Variants in GLDN observed in about 807,000 individuals in gnomAD.
GLDN encodes the protein gliomedin.
In GLDN, 47 loss-of-function variants were observed where a neutral mutation model predicts 56.5. The ratio of observed to expected loss-of-function variants is 0.83; its 90% CI spans 0.66 to 1.06. GLDN has a LOEUF of 1.06. Among genes scored for constraint, GLDN ranks in the 50% least tolerant of loss-of-function variants. The probability of loss-of-function intolerance (pLI) is 0.00; values close to 1 mark genes in which losing one functional copy is unlikely to be tolerated. For missense variants in GLDN, 782 were observed against 714.3 expected, an observed-to-expected ratio of 1.09 and a Z score of -1.08; for synonymous variants, 332 against 278.8, an observed-to-expected ratio of 1.19 and a Z score of -1.90.
At chr15:51,357,435 G>T (rs1210573294) in intron 1 of GLDN, among the ~76,000 whole-genome samples, 3 of 152,170 alleles carry the variant, frequency 2.0e-5, no homozygotes, top group Non-Finnish European at 4.4e-5. Flanking sequence ...TTGCTATTCT[G>T]TTCTATCTTC....
At chr15:51,410,372 T>C (rs1460821615), downstream of GLDN, among the ~76,000 whole-genome samples, 1 of 152,222 alleles carries the variant, frequency 6.6e-6, no homozygotes, top group Non-Finnish European at 1.5e-5. Context: ...TGGTCAGAGC[T>C]GCAGAGAGCC....
intron 4 of GLDN, among the ~76,000 whole-genome samples, chr15:51,391,523 T>G (rs1038081142): frequency 6.6e-6 from 1 of 152,188 alleles, no homozygotes; most frequent in Non-Finnish European, 1.5e-5. Flanking sequence ...AATGCCCTCG[T>G]TTTTTGTCTC....
chr15:51,395,067 C>CT (rs1283425726), intron 5 of GLDN, 86 bp downstream of exon 5: 1 of 1,337,978 alleles, frequency 7.5e-7, no homozygotes, highest in African/African-American at 1.5e-5. Context: ...GCTCCTGTGT[C>CT]TTCTCTCCTT....
At chr15:51,408,281 G>A (rs2038425575), downstream of GLDN, among the ~76,000 whole-genome samples, 1 of 152,174 alleles carries the variant, frequency 6.6e-6, no homozygotes, top group African/African-American at 2.4e-5. Context: ...GCATGGGCAA[G>A]GCAATTGAGG....
At chr15:51,398,746 C>CGTGCAGTG (rs1490537859) in intron 6 of GLDN, among the ~76,000 whole-genome samples, 19 of 152,200 alleles carry the variant, frequency 1.2e-4, no homozygotes. Flanking sequence ...GCTGGGCTGC[C>CGTGCAGTG]GTGCAGTGCC....
At chr15:51,411,938 G>C (rs2038469550), downstream of GLDN, among the ~76,000 whole-genome samples, 1 of 152,178 alleles carries the variant, frequency 6.6e-6, no homozygotes, top group Non-Finnish European at 1.5e-5. Context: ...GAGCCACTGT[G>C]CCAACTTAAA....
At chr15:51,348,539 G>T (rs2141047679) in intron 1 of GLDN, among the ~76,000 whole-genome samples, 1 of 151,810 alleles carries the variant, frequency 6.6e-6, no homozygotes, top group East Asian at 1.9e-4. Context: ...TCACTATCTT[G>T]CCCAGGCTGG....
At chr15:51,376,065 T>C (rs1435680407) in intron 1 of GLDN, among the ~76,000 whole-genome samples, 1 of 152,236 alleles carries the variant, frequency 6.6e-6, no homozygotes, top group African/African-American at 2.4e-5. Flanking sequence ...TTAGATCTTT[T>C]AAGGGTTTCT....
chr15:51,397,888 C>G (rs374965834), intron 6 of GLDN, among the ~76,000 whole-genome samples: 109 of 152,282 alleles, frequency 7.2e-4, no homozygotes, highest in African/African-American at 2.2e-3. Flanking sequence ...ATCCCTCCCC[C>G]CTGAAACAGT....
intron 1 of GLDN, chr15:51,368,971 G>A (rs1566940678): frequency 6.6e-6 from 1 of 152,170 alleles, no homozygotes; most frequent in Admixed American, 6.5e-5. Context: ...ACTAAACTGT[G>A]GCCTCCAGTT....
downstream of GLDN, among the ~76,000 whole-genome samples, chr15:51,412,849 A>C (rs1330454677): frequency 6.6e-6 from 1 of 152,156 alleles, no homozygotes; most frequent in African/African-American, 2.4e-5. Flanking sequence ...TTTATGTCAT[A>C]ATAATAAAGT....
At chr15:51,390,261 G>A (rs1376755402) in intron 4 of GLDN, among the ~76,000 whole-genome samples, 2 of 152,230 alleles carry the variant, frequency 1.3e-5, no homozygotes, top group Admixed American at 6.5e-5. Context: ...CTATACTGGT[G>A]TTAGCTATTA....
chr15:51,408,040 G>A (rs1301973163), downstream of GLDN: 1 of 152,140 alleles, frequency 6.6e-6, no homozygotes, highest in Non-Finnish European at 1.5e-5. Flanking sequence ...TTTACCTCTT[G>A]TTAATGTATA....
chr15:51,385,923 A>G (rs1294275341), intron 4 of GLDN, among the ~76,000 whole-genome samples: 1 of 152,204 alleles, frequency 6.6e-6, no homozygotes, highest in Non-Finnish European at 1.5e-5. Flanking sequence ...ACTCAGAGAA[A>G]AACGGGGAGG....
chr15:51,391,699 T>C (rs1225977000), intron 4 of GLDN, among the ~76,000 whole-genome samples: 1 of 152,202 alleles, frequency 6.6e-6, no homozygotes, highest in Non-Finnish European at 1.5e-5. Flanking sequence ...ATTTTGGTGC[T>C]ATTGTGAGGG....
intron 1 of GLDN, among the ~76,000 whole-genome samples, chr15:51,367,761 A>G (rs1394055045): frequency 6.6e-6 from 1 of 152,010 alleles, no homozygotes; most frequent in Admixed American, 6.6e-5. Context: ...ACATATCAGC[A>G]CCCCAGTGTC....
chr15:51,395,050 C>G (rs2038098401), intron 5 of GLDN, 69 bp downstream of exon 5: 1 of 1,424,692 alleles, frequency 7.0e-7, no homozygotes, highest in African/African-American at 1.4e-5. Context: ...CTTCCAACAC[C>G]AGGGCTGCTC....
At chr15:51,344,809 A>G (rs747731846) in intron 1 of GLDN, among the ~76,000 whole-genome samples, 2 of 152,284 alleles carry the variant, frequency 1.3e-5, no homozygotes, top group East Asian at 1.9e-4. Context: ...CTGAAAATAC[A>G]TCAACTCAGC....
chr15:51,395,934 G>A (rs2038117794), intron 5 of GLDN, among the ~76,000 whole-genome samples: 1 of 151,892 alleles, frequency 6.6e-6, no homozygotes. Context: ...GCAAGAGTGG[G>A]GTGTGAAGTG....
Sources: allele counts gnomAD v4.1 joint callset (sites outside exome capture counted in the v4.1 genomes callset), GRCh38; gene constraint gnomAD v4.1.1; transcripts MANE v1.5; gene names NCBI Gene and HGNC (gene_info 2026-07-23, HGNC 2026-07-21).